Variants in CEP250 observed in about 807,000 individuals in gnomAD.
CEP250 encodes the protein centrosome-associated protein CEP250.
Under a neutral mutation model 315.7 loss-of-function variants are expected in CEP250, and 242 were observed. The observed-to-expected ratio is 0.77, with a 90% CI of 0.69 to 0.85. The LOEUF (loss-of-function observed/expected upper bound fraction) is 0.85. Ranked by LOEUF, CEP250 falls within the 40% of genes least tolerant of loss-of-function variation. CEP250 has a pLI of 0.00. For synonymous variants in CEP250, 1,088 were observed against 1,175.0 expected, an observed-to-expected ratio of 0.93 and a Z score of 1.51; for missense variants, 2,515 against 2,886.4, an observed-to-expected ratio of 0.87 and a Z score of 2.95.
intron 17 of CEP250, among the ~76,000 whole-genome samples, chr20:35,478,998 GTCT>G (rs1449903031): frequency 6.6e-6 from 1 of 152,202 alleles, no homozygotes; most frequent in African/African-American, 2.4e-5. Context: ...TTAGGGGCAG[GTCT>G]TCTGCTGTCC....
chr20:35,488,842 G>C (rs912169699), intron 20 of CEP250, among the ~76,000 whole-genome samples: 37 of 152,176 alleles, frequency 2.4e-4, no homozygotes, highest in African/African-American at 8.9e-4. Flanking sequence ...ATGGAGTAGG[G>C]GGGAGAAGGG....
chr20:35,500,690 C>T (rs974374188), intron 28 of CEP250, among the ~76,000 whole-genome samples: 5 of 152,226 alleles, frequency 3.3e-5, no homozygotes, highest in South Asian at 2.1e-4. Flanking sequence ...GGATTACAGG[C>T]GTGAGCCACT....
intron 31 of CEP250, 41 bp from the exon 32 acceptor site, chr20:35,507,994 T>C: frequency 6.2e-7 from 1 of 1,613,300 alleles, no homozygotes; most frequent in South Asian, 1.1e-5. Context: ...CCTACCTGTC[T>C]TAGGGGCTGC....
chr20:35,513,002 C>T lies in CEP250; in HGVS notation c.*1376C>T, dbSNP rs1472759089. 1 of 152,288 alleles carries T rather than the reference C, an allele frequency of 6.6e-6. No individual in the cohort carries two copies. Among genetic ancestry groups the T allele is most frequent in the Non-Finnish European group, 1.5e-5 (1 of 68,098 alleles). 9.4% of individuals were successfully genotyped at this position (152,288 alleles called of 1,614,324 possible). On this transcript the variant is annotated 3_prime_UTR_variant, in exon 35 of 35. Transcript: ENST00000397527. The stretch of plus-strand genomic sequence containing the variant: ...GGGGTAAGAGCAGCACCCACTCACC[C>T]AGACCTCCTAATTTGGGGCTCAGCC...
Position 35,502,931 on chromosome 20 carries a change from G to A in CEP250, c.4562G>A (p.Arg1521Lys). The A allele has an allele frequency of 6.2e-7, 1 of 1,614,244 alleles. No homozygotes were observed. Among genetic ancestry groups the A allele is most frequent in the Non-Finnish European group, 8.5e-7 (1 of 1,180,042 alleles). Residue 1521 changes from arginine to lysine, a missense_variant, in exon 30 of 35, where the codon AGG (arginine) becomes AAG (lysine). Transcript: ENST00000397527. ...RELEKDRETQRNVLEHQLLEL... is the reference protein window; with the variant it reads ...RELEKDRETQKNVLEHQLLEL... ...CTCGAGAAGGATCGGGAGACTCAGA[G>A]GAACGTCTTGGAGCATCAGCTTCTA...
chr20:35,502,002 C>T, intron 29 of CEP250, 36 bp downstream of exon 29: 1 of 1,600,248 alleles, frequency 6.2e-7, no homozygotes, highest in Non-Finnish European at 8.5e-7. Context: ...GGGTTTGCCT[C>T]AGGAGTAGTC....
Position 35,503,965 on chromosome 20 carries a change from G to A in CEP250, c.5596G>A (p.Glu1866Lys). ...ERHGELQDHK[E>K]QARRLEEELA... ...TCATGGAGAGCTTCAGGACCACAAG[G>A]AACAGGCACGAAGGCTGGAGGAAGA... Residue 1866 changes from glutamate (E) to lysine (K), a missense_variant, in exon 30 of 35, where the codon GAA (glutamate) becomes AAA (lysine). Coordinates refer to ENST00000397527, the MANE Select transcript of CEP250 (RefSeq NM_007186.6). This position sits in a 1 kb window ranked among gnomAD's most constrained non-coding sequence, Gnocchi z 4.2. 1.2e-6 allele frequency: 2 copies of A among 1,612,046 alleles called. No homozygotes were observed. Among genetic ancestry groups the A allele is most frequent in the East Asian group, 2.2e-5 (1 of 44,864 alleles).
Position 35,511,369 on chromosome 20 carries a change from C to G in CEP250, c.7072C>G (p.Leu2358Val). Residue 2358 changes from leucine (L) to valine (V), a missense_variant, in exon 35 of 35, where the codon CTG (leucine) becomes GTG (valine). By Grantham distance (32) the Leu-to-Val change is conservative. Transcript: ENST00000397527. ...TTTTTTTCCTGCCCACCAGGTGGTCCTGCTGCAAGCTCAGCTGACTTTGGA... is the reference window on the plus strand; with the variant it reads ...TTTTTTTCCTGCCCACCAGGTGGTCGTGCTGCAAGCTCAGCTGACTTTGGA... ...CVAELQKEVV[L>V]LQAQLTLERK... The G allele has an allele frequency of 6.2e-7, 1 of 1,602,268 alleles. No homozygotes were observed. Among genetic ancestry groups the G allele is most frequent in the South Asian group, 1.1e-5 (1 of 90,050 alleles).
rs748853634 is a variant in CEP250, at chr20:35,503,237, G to A, written c.4868G>A (p.Arg1623Lys). 6 of 1,614,202 alleles carry A rather than the reference G, an allele frequency of 3.7e-6. No individual in the cohort carries two copies. The highest frequency in any genetic ancestry group is 3.4e-6 in the Non-Finnish European group (4 of 1,180,020). Residue 1623 changes from arginine (R) to lysine (K), a missense_variant, in exon 30 of 35, where the codon AGA becomes AAA. Physicochemically the swap from Arg to Lys is conservative, Grantham distance 26. Coordinates refer to ENST00000397527, the MANE Select transcript of CEP250 (RefSeq NM_007186.6). This position sits in a 1 kb window ranked among gnomAD's most constrained non-coding sequence, Gnocchi z 4.2. ...GAGAGCCACAGCACCGTTCTGGCAA[G>A]AGAGCTGCAGGAGAGGGACCAGGAG... is the stretch of plus-strand genomic sequence containing the variant. ...DLESHSTVLA[R>K]ELQERDQEVK... is the part of the protein sequence containing the mutation.
intron 20 of CEP250, among the ~76,000 whole-genome samples, chr20:35,482,263 G>T (rs7270283): frequency 6.6e-6 from 1 of 151,620 alleles, no homozygotes; most frequent in East Asian, 2.0e-4. Flanking sequence ...ACGGAGTCTC[G>T]CTCTGTTGCC....
intron 20 of CEP250, among the ~76,000 whole-genome samples, chr20:35,482,529 G>A (rs1041403037): frequency 6.6e-6 from 1 of 151,204 alleles, no homozygotes; most frequent in African/African-American, 2.4e-5. Flanking sequence ...GTGAGCCACC[G>A]TGCCCGGCTA....
At chr20:35,493,304 G>A in intron 22 of CEP250, 125 bp from the exon 23 acceptor site, 2 of 883,490 alleles carry the variant, frequency 2.3e-6, no homozygotes, top group South Asian at 4.1e-5. Flanking sequence ...ACTAGGAAGT[G>A]AGAAGGTGAG....
At position 35,478,177 on chromosome 20, in the gene CEP250, A is replaced by G. The variant is rs2063228237; in HGVS notation, c.2094+76A>G. The G allele has an allele frequency of 4.2e-6, 4 of 950,252 alleles. No individual in the cohort carries two copies. The South Asian group carries it at 6.5e-5, about 15-fold the overall frequency. The allele number at this position is 950,252 out of a possible 1,614,324, so 58.9% of individuals were successfully genotyped here. On this transcript the variant is annotated intron_variant, in intron 17 of 34. Transcript: ENST00000397527. ...TATAAAAAATTAAAACACTACAGAAATTATCTGGAAAGTGAAAAAGTCTTA... is the reference window on the plus strand; with the variant it reads ...TATAAAAAATTAAAACACTACAGAAGTTATCTGGAAAGTGAAAAAGTCTTA...
intron 14 of CEP250, 111 bp from the exon 15 acceptor site, chr20:35,475,391 T>G: frequency 8.5e-7 from 1 of 1,171,758 alleles, no homozygotes; most frequent in Non-Finnish European, 1.2e-6. Flanking sequence ...TATCAGTGTT[T>G]ATAGACCATC....
chr20:35,479,155 A>G (rs960186138), intron 17 of CEP250, 76 bp from the exon 18 acceptor site: 12 of 1,417,266 alleles, frequency 8.5e-6, no homozygotes, highest in Non-Finnish European at 1.2e-5. Context: ...TGAAGAGGCA[A>G]TGACCCTAAC....
Position 35,471,414 on chromosome 20 carries a change from G to A in CEP250, c.949-636G>A, listed in dbSNP as rs982682991. Among the ~76,000 whole-genome samples, 6 of 152,210 alleles carry A rather than the reference G, an allele frequency of 3.9e-5. No homozygotes were observed. In the East Asian group the frequency reaches 1.2e-3, roughly 29 times the overall value. ...TTTGTTAACTTTTTGGGAGAAGCCA[G>A]AAATTTATATTTTTATGTAAAATCT... On this transcript the variant is annotated intron_variant, in intron 10 of 34. Transcript: ENST00000397527.
chr20:35,518,600 A>G lies in CEP250; in HGVS notation c.*6974A>G, dbSNP rs1329650091. The G allele has an allele frequency of 1.3e-5, 2 of 152,240 alleles. No homozygotes were observed. Among genetic ancestry groups the G allele is most frequent in the Non-Finnish European group, 2.9e-5 (2 of 68,052 alleles). The allele number at this position is 152,240 out of a possible 1,614,324, so 9.4% of individuals were successfully genotyped here. A position where few individuals can be genotyped will look rare whatever the true frequency, so the allele number is the denominator to read the frequency against. ...TCTCTTTGAGTATCATTATGAGCTC[A>G]AAGTTTTTTATATATTCACTATGAT... On this transcript the variant is annotated 3_prime_UTR_variant, in exon 35 of 35. Transcript: ENST00000397527.
intron 9 of CEP250, 90 bp downstream of exon 9, chr20:35,467,645 A>G: frequency 7.0e-7 from 1 of 1,421,792 alleles, no homozygotes; most frequent in Non-Finnish European, 9.6e-7. Flanking sequence ...GGTGCCAGGA[A>G]CATTCCTACC....
intron 30 of CEP250, among the ~76,000 whole-genome samples, chr20:35,506,017 G>A (rs2064176769): frequency 6.6e-6 from 1 of 152,194 alleles, no homozygotes; most frequent in African/African-American, 2.4e-5. Flanking sequence ...GTCCAGGGGA[G>A]AGCTTGTGCC....
Sources: allele counts gnomAD v4.1 joint callset (sites outside exome capture counted in the v4.1 genomes callset), GRCh38; gene constraint gnomAD v4.1.1; non-coding constraint Gnocchi (gnomAD v3.1); transcripts MANE v1.5; gene names NCBI Gene and HGNC (gene_info 2026-07-23, HGNC 2026-07-21).